KCNK13: variants seen among roughly 807,000 people sequenced by gnomAD.
KCNK13 encodes the protein potassium two pore domain channel subfamily K member 13, also known as potassium channel subfamily K member 13.
A neutral mutation model predicts 23.4 loss-of-function variants in KCNK13; 12 were observed. That is an observed-to-expected ratio of 0.51 (90% confidence interval 0.33 to 0.83). KCNK13 has a LOEUF of 0.83. KCNK13 is among the 40% of genes least tolerant of loss of function. The probability of loss-of-function intolerance (pLI) is 0.02; values close to 1 mark genes in which losing one functional copy is unlikely to be tolerated. For synonymous variants in KCNK13, 231 were observed against 229.5 expected (o/e 1.01, Z -0.06); for missense variants, 463 against 556.3 (o/e 0.83, Z 1.69).
chr14:90,112,980 C>G lies in KCNK13; in HGVS notation c.334+50441C>G, dbSNP rs189153013. ...CCAGGGTGGAGGGCAGTGGTGTCAT[C>G]ACAGCTCATTGCAGCTTCATCGTTT... On this transcript the variant is annotated intron_variant, in intron 1 of 1. Transcript: ENST00000282146. 5.6e-3 allele frequency among the ~76,000 whole-genome samples: 835 copies of G among 148,882 alleles called. 6 individuals are homozygous for G. Among genetic ancestry groups the G allele is most frequent in the Admixed American group, 0.012 (171 of 14,836 alleles).
In KCNK13 at chr14:90,080,062, C is replaced by T. The variant is rs115358382; in HGVS notation, c.334+17523C>T. Among the ~76,000 whole-genome samples the T allele has an allele frequency of 6.4e-3, 969 of 152,192 alleles. 12 individuals are homozygous for T. Among genetic ancestry groups the T allele is most frequent in the African/African-American group, 0.022 (917 of 41,502 alleles). On this transcript the variant is annotated intron_variant, in intron 1 of 1. Transcript: ENST00000282146. ...GGACAATGCTATTGTTGTCTGAGGA[C>T]GGGATACCAAAGTGAGGACGGCTGG...
intron 1 of KCNK13, among the ~76,000 whole-genome samples, chr14:90,170,045 A>G (rs1471748054): frequency 6.6e-6 from 1 of 151,912 alleles, no homozygotes; most frequent in East Asian, 1.9e-4. Flanking sequence ...CTGCTGGCCC[A>G]CTCCCAAACC....
chr14:90,157,373 G>GA (rs200605485), intron 1 of KCNK13, among the ~76,000 whole-genome samples: 1 of 151,708 alleles, frequency 6.6e-6, no homozygotes, highest in Admixed American at 6.6e-5. Context: ...TTGTAACCAC[G>GA]AAAAAAAAGT....
chr14:90,074,286 T>C (rs1889111231), intron 1 of KCNK13, among the ~76,000 whole-genome samples: 2 of 152,250 alleles, frequency 1.3e-5, no homozygotes, highest in African/African-American at 4.8e-5. Flanking sequence ...ATCTATTTGA[T>C]TGTTTCAGAG....
At chr14:90,164,990 T>C (rs1012179918) in intron 1 of KCNK13, among the ~76,000 whole-genome samples, 1 of 152,240 alleles carries the variant, frequency 6.6e-6, no homozygotes, top group Non-Finnish European at 1.5e-5. Flanking sequence ...TTAATGGACT[T>C]ACAGTTCCGC....
chr14:90,165,669 G>A (rs1890294614), intron 1 of KCNK13, among the ~76,000 whole-genome samples: 1 of 152,222 alleles, frequency 6.6e-6, no homozygotes, highest in African/African-American at 2.4e-5. Flanking sequence ...TTAAGGAATA[G>A]TTTCACAATT....
At chr14:90,149,355 C>G (rs931904372) in intron 1 of KCNK13, among the ~76,000 whole-genome samples, 2 of 151,876 alleles carry the variant, frequency 1.3e-5, no homozygotes, top group Non-Finnish European at 2.9e-5. Context: ...GACTCTGTCT[C>G]AAAAAAAGAA....
chr14:90,144,943 T>C (rs1353606044), intron 1 of KCNK13, among the ~76,000 whole-genome samples: 1 of 152,128 alleles, frequency 6.6e-6, no homozygotes, highest in Non-Finnish European at 1.5e-5. Flanking sequence ...GGTTTTTGTA[T>C]TTACCTTTTA....
At chr14:90,142,485 ATTTTTT>A (rs950958674) in intron 1 of KCNK13, among the ~76,000 whole-genome samples, 7 of 150,676 alleles carry the variant, frequency 4.6e-5, no homozygotes, top group Admixed American at 2.6e-4. Flanking sequence ...TGCCCAGCTA[ATTTTTT>A]TTATTTTTAG....
At chr14:90,182,180 C>A (rs1890495154) in intron 1 of KCNK13, among the ~76,000 whole-genome samples, 1 of 152,210 alleles carries the variant, frequency 6.6e-6, no homozygotes, top group South Asian at 2.1e-4. Flanking sequence ...AGTTTCCTGA[C>A]TACATGCTGT....
chr14:90,117,719 G>T (rs1344662895), intron 1 of KCNK13, among the ~76,000 whole-genome samples: 1 of 152,210 alleles, frequency 6.6e-6, no homozygotes, highest in Non-Finnish European at 1.5e-5. Context: ...TGTATACAAT[G>T]AAGTGGTACT....
intron 1 of KCNK13, among the ~76,000 whole-genome samples, chr14:90,173,843 A>C (rs1289190514): frequency 6.6e-6 from 1 of 152,238 alleles, no homozygotes; most frequent in Non-Finnish European, 1.5e-5. Flanking sequence ...TGCTATAAAG[A>C]AACACCTGAG....
At chr14:90,065,765 G>A (rs1033163813) in intron 1 of KCNK13, among the ~76,000 whole-genome samples, 1 of 152,124 alleles carries the variant, frequency 6.6e-6, no homozygotes, top group African/African-American at 2.4e-5. Context: ...TAGCCCTCAC[G>A]CAGAGATAGG....
At chr14:90,110,130 G>C (rs375138561) in intron 1 of KCNK13, among the ~76,000 whole-genome samples, 1 of 152,204 alleles carries the variant, frequency 6.6e-6, no homozygotes, top group African/African-American at 2.4e-5. Flanking sequence ...TAGGGGCAGC[G>C]TTGCCCCTGT....
In KCNK13 at chr14:90,171,787, G is replaced by T. The variant is rs200041184; in HGVS notation, c.335-12324G>T. ...TATGCATCTATCTCAGTGAGCAGAG[G>T]GGTGACTTTGAATAGAATGAGAGGC... On this transcript the variant is annotated intron_variant, in intron 1 of 1. Transcript: ENST00000282146. 3.4e-4 allele frequency among the ~76,000 whole-genome samples: 52 copies of T among 152,270 alleles called. No individual in the cohort carries two copies. The East Asian group carries it at 8.1e-3, about 24-fold the overall frequency.
intron 1 of KCNK13, among the ~76,000 whole-genome samples, chr14:90,070,781 C>T (rs6575102): frequency 0.26 from 39,176 of 151,874 alleles, 5,948 homozygotes; most frequent in African/African-American, 0.42. Flanking sequence ...ATGGCAGGTG[C>T]GTTTGGAATT....
intron 1 of KCNK13, among the ~76,000 whole-genome samples, chr14:90,183,626 G>C (rs1211593058): frequency 6.6e-6 from 1 of 152,182 alleles, no homozygotes; most frequent in Non-Finnish European, 1.5e-5. Flanking sequence ...GACCAGAACT[G>C]TCTTTTCCAC....
rs544348798 is a variant in KCNK13, at chr14:90,127,098, G to A, written c.335-57013G>A. Among the ~76,000 whole-genome samples, 80 of 152,252 alleles carry A rather than the reference G, an allele frequency of 5.3e-4. 2 individuals are homozygous for A. The highest frequency in any genetic ancestry group is 1.9e-3 in the African/African-American group (78 of 41,538). ...GGAATTTAATTAATAATATATCAAT[G>A]TTAATTAGTTGCAACGAATGTACCA... On this transcript the variant is annotated intron_variant, in intron 1 of 1. Coordinates refer to ENST00000282146, the MANE Select transcript of KCNK13 (RefSeq NM_022054.4).
chr14:90,090,428 C>T (rs1889331268), intron 1 of KCNK13, among the ~76,000 whole-genome samples: 1 of 152,222 alleles, frequency 6.6e-6, no homozygotes, highest in Non-Finnish European at 1.5e-5. Context: ...GCCTGAACCC[C>T]CATTGTATTT....
Sources: gnomAD v4.1 joint callset for allele counts (sites outside exome capture counted in the v4.1 genomes callset) on GRCh38, gnomAD v4.1.1 for gene constraint, MANE v1.5 for transcripts, NCBI Gene and HGNC (gene_info 2026-07-23, HGNC 2026-07-21) for gene names.